The following ERC2 variants were observed in gnomAD, a reference collection of about 807,000 sequenced individuals.
The protein encoded by ERC2 is ELKS/RAB6-interacting/CAST family member 2, also known as ERC protein 2.
Under a neutral mutation model 114.8 loss-of-function variants are expected in ERC2, and 42 were observed. The observed-to-expected ratio is 0.37, with a 90% CI of 0.29 to 0.47. The LOEUF is 0.47. ERC2 is among the 20% of genes least tolerant of loss of function. The probability of loss-of-function intolerance (pLI) is 0.99; values close to 1 mark genes in which losing one functional copy is unlikely to be tolerated. For missense variants in ERC2, 939 were observed against 1,150.7 expected (o/e 0.82, Z 2.66); for synonymous variants, 454 against 425.5 (o/e 1.07, Z -0.82).
At chr3:55,736,882 AT>A (rs1187082643) in intron 14 of ERC2, among the ~76,000 whole-genome samples, 1 of 152,108 alleles carries the variant, frequency 6.6e-6, no homozygotes, top group African/African-American at 2.4e-5. Context: ...TTCTGGGATG[AT>A]TTTTGCGTAG....
chr3:56,453,595 T>C (rs565160171), intron 1 of ERC2, among the ~76,000 whole-genome samples: 97 of 152,342 alleles, frequency 6.4e-4, no homozygotes, highest in African/African-American at 2.3e-3. Context: ...GGAAATATCA[T>C]CCATTCCATG....
chr3:56,356,872 C>T (rs2058765154), intron 2 of ERC2, among the ~76,000 whole-genome samples: 1 of 152,154 alleles, frequency 6.6e-6, no homozygotes, highest in Non-Finnish European at 1.5e-5. Context: ...AATATCACTA[C>T]CCCCACTTTA....
chr3:55,572,752 T>C (rs2056785106), intron 17 of ERC2, among the ~76,000 whole-genome samples: 1 of 152,192 alleles, frequency 6.6e-6, no homozygotes, highest in Non-Finnish European at 1.5e-5. Context: ...CTCCCTCCAA[T>C]AGTCAAATTC....
intron 17 of ERC2, among the ~76,000 whole-genome samples, chr3:55,549,615 C>A (rs1400078119): frequency 6.7e-6 from 1 of 150,336 alleles, no homozygotes; most frequent in Non-Finnish European, 1.5e-5. Flanking sequence ...GATGAGGAAA[C>A]GGAGGCTCAG....
intron 13 of ERC2, among the ~76,000 whole-genome samples, chr3:55,912,821 GTA>G (rs2064884057): frequency 6.6e-6 from 1 of 151,994 alleles, no homozygotes; most frequent in African/African-American, 2.4e-5. Context: ...ATACAGGAAA[GTA>G]TGAGAGAGAG....
intron 17 of ERC2, among the ~76,000 whole-genome samples, chr3:55,553,676 AGGCTGAGGCAGGAGAAT>A (rs760397832): frequency 9.2e-5 from 14 of 151,646 alleles, no homozygotes; most frequent in Non-Finnish European, 1.9e-4. Flanking sequence ...GCTACTGGGG[AGGCTGAGGCAGGAGAAT>A]GGCGTGAACC....
chr3:55,678,315 G>C (rs960551125), intron 17 of ERC2, among the ~76,000 whole-genome samples: 1 of 152,150 alleles, frequency 6.6e-6, no homozygotes, highest in African/African-American at 2.4e-5. Context: ...AGAATTTCAA[G>C]ATGAGAAGTC....
intron 5 of ERC2, among the ~76,000 whole-genome samples, chr3:56,143,730 C>T (rs1369946779): frequency 6.6e-6 from 1 of 152,214 alleles, no homozygotes; most frequent in African/African-American, 2.4e-5. Flanking sequence ...ATCACACAGG[C>T]TTCCTGCTAT....
intron 17 of ERC2, among the ~76,000 whole-genome samples, chr3:55,571,477 A>G (rs1028265175): frequency 2.6e-5 from 4 of 152,136 alleles, no homozygotes; most frequent in Non-Finnish European, 2.9e-5. Context: ...CCCTGCCCCA[A>G]TCACCCTGGG....
chr3:56,368,297 G>C (rs551810963), intron 2 of ERC2, among the ~76,000 whole-genome samples: 1 of 151,194 alleles, frequency 6.6e-6, no homozygotes, highest in Non-Finnish European at 1.5e-5. Flanking sequence ...CAGACTATTT[G>C]CCACCTCTTT....
At chr3:56,339,304 TGAG>T (rs1451802651) in intron 2 of ERC2, among the ~76,000 whole-genome samples, 1 of 152,114 alleles carries the variant, frequency 6.6e-6, no homozygotes, top group Admixed American at 6.6e-5. Context: ...GAAGAGTTTC[TGAG>T]GAGGTGAACT....
At chr3:55,646,943 T>A (rs990996170) in intron 17 of ERC2, 1 of 152,130 alleles carries the variant, frequency 6.6e-6, no homozygotes, top group Non-Finnish European at 1.5e-5. Context: ...TCCTAAAAGA[T>A]ATGCTCCCTT....
chr3:56,015,691 A>G (rs1397674635), intron 8 of ERC2, among the ~76,000 whole-genome samples: 1 of 152,192 alleles, frequency 6.6e-6, no homozygotes, highest in African/African-American at 2.4e-5. Flanking sequence ...CCTTTATAAT[A>G]GAATGATTTA....
At chr3:56,057,421 G>C (rs1196301420) in intron 7 of ERC2, among the ~76,000 whole-genome samples, 1 of 151,922 alleles carries the variant, frequency 6.6e-6, no homozygotes, top group Non-Finnish European at 1.5e-5. Flanking sequence ...CTCATTTCTT[G>C]GTTTTGCTTT....
At chr3:56,363,527 G>A (rs553203122) in intron 2 of ERC2, among the ~76,000 whole-genome samples, 2 of 152,120 alleles carry the variant, frequency 1.3e-5, no homozygotes, top group African/African-American at 4.8e-5. Flanking sequence ...GAAGCAAATA[G>A]GGCAGTGACA....
chr3:56,454,098 T>A (rs772884078), intron 1 of ERC2, among the ~76,000 whole-genome samples: 5 of 152,212 alleles, frequency 3.3e-5, no homozygotes, highest in Non-Finnish European at 4.4e-5. Flanking sequence ...CACTTGAACC[T>A]TTTGCAAAAC....
Position 55,779,407 on chromosome 3 carries a change from G to A in ERC2, c.2565-44489C>T, listed in dbSNP as rs150385219. Among the ~76,000 whole-genome samples, 608 of 151,584 alleles carry A rather than the reference G, an allele frequency of 4.0e-3. 1 individual carries two copies. The highest frequency in any genetic ancestry group is 0.014 in the African/African-American group (567 of 41,340). On this transcript the variant is annotated intron_variant, in intron 14 of 17. Coordinates refer to ENST00000288221, the MANE Select transcript of ERC2 (RefSeq NM_015576.3). ...TCCCAACTACTCAGGAGGCTGAGGC[G>A]GGAGAATCACTTAAATCCAGGAGGT...
In ERC2 at chr3:56,232,906, G is replaced by A. The variant is rs564874394; in HGVS notation, c.1075-59386C>T. On this transcript the variant is annotated intron_variant, in intron 3 of 17. Transcript: ENST00000288221. ...CCCTTCCTCATTATCTCCCGTTTCC[G>A]AATAATTCTCATTCAGCCTTCAGAG... 6.2e-4 allele frequency among the ~76,000 whole-genome samples: 94 copies of A among 152,226 alleles called. 1 individual carries two copies. The highest frequency in any genetic ancestry group is 1.9e-3 in the African/African-American group (78 of 41,516).
At position 55,676,809 on chromosome 3, in the gene ERC2, C is replaced by A. The variant is rs529618779; in HGVS notation, c.*39+6985G>T. Among the ~76,000 whole-genome samples the A allele has an allele frequency of 7.2e-4, 110 of 152,142 alleles. 3 individuals are homozygous for A. Among genetic ancestry groups the A allele is most frequent in the Non-Finnish European group, 2.2e-4 (15 of 68,032 alleles). On this transcript the variant is annotated intron_variant, in intron 17 of 17. Coordinates refer to ENST00000288221, the MANE Select transcript of ERC2 (RefSeq NM_015576.3). ...CCAGCATGCTCCCTGTGCGCCAGCC[C>A]TGGCACAGGAAGGATGTAATGTAAT...
Sources: allele counts gnomAD v4.1 joint callset (sites outside exome capture counted in the v4.1 genomes callset), GRCh38; gene constraint gnomAD v4.1.1; transcripts MANE v1.5; gene names NCBI Gene and HGNC (gene_info 2026-07-23, HGNC 2026-07-21).